Variants in RAB3IP observed in about 807,000 individuals in gnomAD.
RAB3IP encodes rab-3A-interacting protein.
RAB3IP carries 36 observed loss-of-function variants against 59.1 expected under a neutral mutation model. That is an observed-to-expected ratio of 0.61 (90% CI 0.47 to 0.80). RAB3IP has a LOEUF of 0.80. Among genes scored for constraint, RAB3IP ranks in the 30% least tolerant of loss-of-function variants. RAB3IP has a pLI of 0.00. For synonymous variants in RAB3IP, 207 were observed against 191.2 expected, an observed-to-expected ratio of 1.08 and a Z score of -0.68; for missense variants, 511 against 536.0, an observed-to-expected ratio of 0.95 and a Z score of 0.46.
At position 69,820,407 on chromosome 12, in the gene RAB3IP, A is replaced by C. The variant is rs1009232550; in HGVS notation, c.*4961A>C. ...CAAGCTATTATCATCTTTCACCTGAACTCCTGCACTAATGTCTGCTGTCCT... is the reference window on the plus strand; with the variant it reads ...CAAGCTATTATCATCTTTCACCTGACCTCCTGCACTAATGTCTGCTGTCCT... On this transcript the variant is annotated 3_prime_UTR_variant, in exon 11 of 11. Coordinates refer to ENST00000247833, the MANE Select transcript of RAB3IP (RefSeq NM_022456.5). 7.3e-5 allele frequency: 11 copies of C among 151,534 alleles called. No individual in the cohort carries two copies. Among genetic ancestry groups the C allele is most frequent in the African/African-American group, 2.7e-4 (11 of 41,104 alleles). The allele number at this position is 151,534 out of a possible 1,614,324, so 9.4% of individuals were successfully genotyped here.
At chr12:69,779,425 A>G (rs1462203492) in intron 3 of RAB3IP, among the ~76,000 whole-genome samples, 1 of 152,092 alleles carries the variant, frequency 6.6e-6, no homozygotes, top group Non-Finnish European at 1.5e-5. Flanking sequence ...CTATTCGGCC[A>G]TCTTGGCTCC....
chr12:69,799,921 T>C lies in RAB3IP; in HGVS notation c.889-288T>C, dbSNP rs116527121. Among the ~76,000 whole-genome samples, 1,040 of 152,294 alleles carry C rather than the reference T, an allele frequency of 6.8e-3. 8 individuals carry two copies. Among genetic ancestry groups the C allele is most frequent in the African/African-American group, 0.023 (958 of 41,554 alleles). ...CAGAGTGAGGATAATAGTAGTGTTA[T>C]TGAACATGGTAGTGAATGATGCTTG... On this transcript the variant is annotated intron_variant, in intron 6 of 10. Transcript: ENST00000247833.
intron 3 of RAB3IP, among the ~76,000 whole-genome samples, chr12:69,773,432 C>CT (rs1370991632): frequency 1.4e-4 from 8 of 57,270 alleles, no homozygotes; most frequent in East Asian, 6.0e-4. Context: ...TTATTATACT[C>CT]TAAGTTTTAG....
At chr12:69,754,784 C>A (rs1023605012) in intron 1 of RAB3IP, among the ~76,000 whole-genome samples, 8 of 152,108 alleles carry the variant, frequency 5.3e-5, no homozygotes, top group Non-Finnish European at 4.4e-5. Context: ...AGTTTCACAG[C>A]ATAATATAAT....
At position 69,820,971 on chromosome 12, in the gene RAB3IP, C is replaced by T. The variant is rs1881678677; in HGVS notation, c.*5525C>T. On this transcript the variant is annotated 3_prime_UTR_variant, in exon 11 of 11. Coordinates refer to ENST00000247833, the MANE Select transcript of RAB3IP (RefSeq NM_022456.5). ...AAAAACTCCATGAAAATTTGCAAAA[C>T]TTAAAAAAAAAATGTAGAAGAGGAC... is the stretch of plus-strand genomic sequence containing the variant. The T allele has an allele frequency of 6.7e-6, 1 of 148,304 alleles. No individual in the cohort carries two copies. Among genetic ancestry groups the T allele is most frequent in the Non-Finnish European group, 1.5e-5 (1 of 66,912 alleles). The allele number at this position is 148,304 out of a possible 1,614,324, so 9.2% of individuals were successfully genotyped here.
chr12:69,764,883 A>G (rs1871946329), intron 3 of RAB3IP, among the ~76,000 whole-genome samples: 1 of 151,884 alleles, frequency 6.6e-6, no homozygotes, highest in Non-Finnish European at 1.5e-5. Context: ...ATTCCTAGGT[A>G]TTTGTGTGTG....
chr12:69,805,711 T>G (rs1378854161), intron 8 of RAB3IP, among the ~76,000 whole-genome samples: 3 of 152,040 alleles, frequency 2.0e-5, no homozygotes, highest in African/African-American at 7.3e-5. Flanking sequence ...CATGAAGGGT[T>G]GTTGAATTTT....
chr12:69,790,940 A>T (rs1876503643), intron 4 of RAB3IP, among the ~76,000 whole-genome samples: 1 of 152,216 alleles, frequency 6.6e-6, no homozygotes, highest in African/African-American at 2.4e-5. Flanking sequence ...TCCTGATTTC[A>T]AAGTACATGA....
intron 1 of RAB3IP, among the ~76,000 whole-genome samples, chr12:69,753,380 G>A (rs1869651772): frequency 6.6e-6 from 1 of 151,776 alleles, no homozygotes; most frequent in Admixed American, 6.6e-5. Context: ...TTTATTTTTT[G>A]AGTTGGAATC....
At chr12:69,744,100 A>G (rs1887608470) in intron 1 of RAB3IP, among the ~76,000 whole-genome samples, 1 of 151,528 alleles carries the variant, frequency 6.6e-6, no homozygotes, top group Non-Finnish European at 1.5e-5. Flanking sequence ...CCCATCATCT[A>G]CCTTAGGTAT....
At chr12:69,768,124 G>T (rs1872521563) in intron 3 of RAB3IP, among the ~76,000 whole-genome samples, 1 of 151,938 alleles carries the variant, frequency 6.6e-6, no homozygotes, top group South Asian at 2.1e-4. Context: ...GTGTAGTGGA[G>T]AGGACCTCAC....
rs1344512489 is a variant in RAB3IP, at chr12:69,821,591, TC to T, written c.*6147del. 2.0e-5 allele frequency: 3 copies of T among 152,232 alleles called. No homozygotes were observed. The East Asian group carries it at 5.8e-4, about 29-fold the overall frequency. 9.4% of individuals were successfully genotyped at this position (152,232 alleles called of 1,614,324 possible). A position where few individuals can be genotyped will look rare whatever the true frequency, so the allele number is the denominator to read the frequency against. ...GTGTTTTCACACAATGTGCTATTTGTCCTTCACAGTGTTTTGGTTTATTTTT... is the reference window on the plus strand; with the variant it reads ...GTGTTTTCACACAATGTGCTATTTGTCTTCACAGTGTTTTGGTTTATTTTT... On this transcript the variant is annotated 3_prime_UTR_variant, in exon 11 of 11. Coordinates refer to ENST00000247833, the MANE Select transcript of RAB3IP (RefSeq NM_022456.5).
intron 4 of RAB3IP, among the ~76,000 whole-genome samples, chr12:69,790,773 C>T (rs536183709): frequency 2.6e-5 from 4 of 152,084 alleles, no homozygotes; most frequent in East Asian, 1.9e-4. Context: ...TTAGTAGAAA[C>T]GGGTTTCACC....
intron 6 of RAB3IP, chr12:69,796,559 C>A (rs1877463146): frequency 2.0e-6 from 1 of 500,938 alleles, no homozygotes; most frequent in Non-Finnish European, 3.6e-6. Context: ...TGTATGGAAG[C>A]CAGGAGTTTA....
intron 1 of RAB3IP, among the ~76,000 whole-genome samples, chr12:69,750,650 T>C (rs1423607594): frequency 6.6e-6 from 1 of 151,822 alleles, no homozygotes; most frequent in Non-Finnish European, 1.5e-5. Flanking sequence ...TGTGGTGTTA[T>C]TTAACATGTT....
chr12:69,744,271 A>T (rs946405013), intron 1 of RAB3IP, among the ~76,000 whole-genome samples: 1 of 152,110 alleles, frequency 6.6e-6, no homozygotes, highest in Non-Finnish European at 1.5e-5. Context: ...ATTACAAATA[A>T]ATATTTGTAA....
At chr12:69,744,275 T>C (rs770045547) in intron 1 of RAB3IP, among the ~76,000 whole-genome samples, 27 of 152,078 alleles carry the variant, frequency 1.8e-4, no homozygotes, top group Non-Finnish European at 3.8e-4. Flanking sequence ...CAAATAAATA[T>C]TTGTAATTAA....
intron 3 of RAB3IP, among the ~76,000 whole-genome samples, chr12:69,781,760 A>G: frequency 6.6e-6 from 1 of 152,210 alleles, no homozygotes; most frequent in Non-Finnish European, 1.5e-5. Context: ...ACCACAGTGT[A>G]TTCATTCACC....
At chr12:69,756,347 G>A in intron 2 of RAB3IP, 58 bp from the exon 3 acceptor site, 1 of 1,568,578 alleles carries the variant, frequency 6.4e-7, no homozygotes, top group Non-Finnish European at 8.7e-7. Flanking sequence ...GTGTGTTTAA[G>A]CCAGTTCTAT....
Sources: gnomAD v4.1 joint callset for allele counts (sites outside exome capture counted in the v4.1 genomes callset) on GRCh38, gnomAD v4.1.1 for gene constraint, MANE v1.5 for transcripts, NCBI Gene and HGNC (gene_info 2026-07-23, HGNC 2026-07-21) for gene names.